The following ANKLE2 variants were observed in gnomAD, a reference collection of about 807,000 sequenced individuals.
The protein encoded by ANKLE2 is ankyrin repeat and LEM domain-containing protein 2.
Under a neutral mutation model 84.2 loss-of-function variants are expected in ANKLE2, and 55 were observed. The observed-to-expected ratio is 0.65, with a 90% CI of 0.53 to 0.82. The LOEUF (loss-of-function observed/expected upper bound fraction) is 0.82, where lower values mean the gene tolerates loss of function less well. ANKLE2 is among the 40% of genes least tolerant of loss of function. The pLI, the probability that ANKLE2 is intolerant of heterozygous loss-of-function variation, is 0.00. For missense variants in ANKLE2, 1,238 were observed against 1,201.9 expected, an observed-to-expected ratio of 1.03 and a Z score of -0.44; for synonymous variants, 551 against 486.1, an observed-to-expected ratio of 1.13 and a Z score of -1.76.
chr12:132,745,350 C>T (rs1377986542), intron 5 of ANKLE2: 1 of 169,008 alleles, frequency 5.9e-6, no homozygotes. Context: ...TACACCAGTG[C>T]TGGCAGCCAA....
At chr12:132,740,781 A>G (rs527846685) in intron 7 of ANKLE2, among the ~76,000 whole-genome samples, 1 of 152,308 alleles carries the variant, frequency 6.6e-6, no homozygotes, top group East Asian at 1.9e-4. Context: ...AACAACTAGA[A>G]GCTGCTGACT....
In ANKLE2 at chr12:132,761,628, G is replaced by C; in HGVS notation, c.171C>G (p.Ala57=). The change falls in exon 1 of 13, where the codon GCC becomes GCG. Residue 57 remains alanine, a synonymous_variant. Coordinates refer to ENST00000357997, the MANE Select transcript of ANKLE2 (RefSeq NM_015114.3). ...TPVPPPSAAA[A]PASGEMTMDA... is the part of the protein sequence containing the mutation. ...CCGCCTGGGCCTTACCTGAGGCGGG[G>C]GCGGCGGCCGCGCTTGGCGGAGGAA... The C allele has an allele frequency of 7.9e-7, 1 of 1,258,232 alleles. No individual in the cohort carries two copies. The highest frequency in any genetic ancestry group is 1.0e-6 in the Non-Finnish European group (1 of 1,001,934). The allele number at this position is 1,258,232 out of a possible 1,614,324, so 77.9% of individuals were successfully genotyped here.
At position 132,750,629 on chromosome 12, in the gene ANKLE2, G is replaced by A. The variant is rs187155077; in HGVS notation, c.847+14C>T. 2.5e-6 allele frequency: 4 copies of A among 1,613,300 alleles called. No individual in the cohort carries two copies. The highest frequency in any genetic ancestry group is 3.3e-5 in the Admixed American group (2 of 60,010). On this transcript the variant is annotated intron_variant, in intron 3 of 12. Coordinates refer to ENST00000357997, the MANE Select transcript of ANKLE2 (RefSeq NM_015114.3). Reference sequence around the variant, plus strand: ...TGACAGGAACATCAAGATGTGAACGGCTGCATGATTTACCTTTCAACCTGT... The same window carrying A: ...TGACAGGAACATCAAGATGTGAACGACTGCATGATTTACCTTTCAACCTGT...
rs10870504 is a variant in ANKLE2, at chr12:132,736,751, G to A, written c.1593+142C>T. 106,817 of 952,516 alleles carry A rather than the reference G, an allele frequency of 0.11. 11,365 individuals carry two copies. The highest frequency in any genetic ancestry group is 0.53 in the East Asian group (21,086 of 39,540). 59.0% of individuals were successfully genotyped at this position (952,516 alleles called of 1,614,324 possible). A position where few individuals can be genotyped will look rare whatever the true frequency, so the allele number is the denominator to read the frequency against. On this transcript the variant is annotated intron_variant, in intron 8 of 12. Transcript: ENST00000357997. Reference sequence around the variant, plus strand: ...AACGTTCTCATCACCAATCACTGGTGGATGGTTTGAGATGAGGACAACCTT... The same window carrying A: ...AACGTTCTCATCACCAATCACTGGTAGATGGTTTGAGATGAGGACAACCTT...
At position 132,761,754 on chromosome 12, in the gene ANKLE2, G is replaced by C. The variant is rs868148843; in HGVS notation, c.45C>G (p.Ala15=). The change falls in exon 1 of 13, where the codon GCC becomes GCG. Residue 15 remains alanine (A), a synonymous_variant. Coordinates refer to ENST00000357997, the MANE Select transcript of ANKLE2 (RefSeq NM_015114.3). ...RLAAAEWAAL[A]WELLGASVLL... is the part of the protein sequence containing the mutation. Reference sequence around the variant, plus strand: ...GCACCGAGGCGCCCAGCAGCTCCCAGGCCAGCGCCGCCCACTCGGCCGCCG... The same window carrying C: ...GCACCGAGGCGCCCAGCAGCTCCCACGCCAGCGCCGCCCACTCGGCCGCCG... 3.4e-5 allele frequency: 41 copies of C among 1,218,188 alleles called. No individual in the cohort carries two copies. Among genetic ancestry groups the C allele is most frequent in the East Asian group, 3.3e-4 (9 of 27,588 alleles). The allele number at this position is 1,218,188 out of a possible 1,614,324, so 75.5% of individuals were successfully genotyped here.
rs2043744837 is a variant in ANKLE2, at chr12:132,728,014, T to G, written c.2615+18A>C. ...AAAAGCTGCCCTGCGGGTGACAGGC[T>G]GTCCGGGCCCCACATACCTCTGTCT... On this transcript the variant is annotated intron_variant, in intron 12 of 12. Transcript: ENST00000357997. 1 of 1,580,176 alleles carries G rather than the reference T, an allele frequency of 6.3e-7. No individual in the cohort carries two copies. Among genetic ancestry groups the G allele is most frequent in the South Asian group, 1.2e-5 (1 of 86,690 alleles).
At chr12:132,741,320 C>A in intron 7 of ANKLE2, 99 bp downstream of exon 7, 1 of 1,226,008 alleles carries the variant, frequency 8.2e-7, no homozygotes, top group South Asian at 1.3e-5. Flanking sequence ...GGCACACGCC[C>A]GGGGAGCTCA....
chr12:132,727,471 C>T (rs2043723656), intron 12 of ANKLE2, 28 bp from the exon 13 acceptor site: 1 of 1,549,102 alleles, frequency 6.5e-7, no homozygotes, highest in South Asian at 1.2e-5. Flanking sequence ...GAACTGTTAG[C>T]AGACGGGCAC....
At chr12:132,733,782 T>C (rs547904244) in intron 10 of ANKLE2, among the ~76,000 whole-genome samples, 7 of 152,178 alleles carry the variant, frequency 4.6e-5, no homozygotes, top group African/African-American at 1.7e-4. Flanking sequence ...AGTATTCTGA[T>C]GTGCACTCGT....
In ANKLE2 at chr12:132,734,127, C is replaced by T. The variant is rs965692597; in HGVS notation, c.1891+258G>A. 17 of 566,546 alleles carry T rather than the reference C, an allele frequency of 3.0e-5. No homozygotes were observed. In the African/African-American group the frequency reaches 3.2e-4, roughly 11 times the overall value. The allele number at this position is 566,546 out of a possible 1,614,324, so 35.1% of individuals were successfully genotyped here. On this transcript the variant is annotated intron_variant, in intron 10 of 12. Transcript: ENST00000357997. ...AGGCGTGGTGGCGGGCGCCTGTAGT[C>T]CCAGCTACTCAGGAGGCTGAGGCAG...
In ANKLE2 at chr12:132,730,036, C is replaced by G; in HGVS notation, c.2126G>C (p.Arg709Thr). The G allele has an allele frequency of 6.2e-7, 1 of 1,612,936 alleles. No homozygotes were observed. Among genetic ancestry groups the G allele is most frequent in the Non-Finnish European group, 8.5e-7 (1 of 1,179,730 alleles). Residue 709 changes from arginine (R) to threonine (T), a missense_variant, in exon 11 of 13, where the codon AGG becomes ACG. Coordinates refer to ENST00000357997, the MANE Select transcript of ANKLE2 (RefSeq NM_015114.3). ...NGLCHPLNHSRTLAGKRPKAP... is the reference protein window; with the variant it reads ...NGLCHPLNHSTTLAGKRPKAP... ...CTTTGGTCTCTTGCCCGCCAGGGTCCTGCTGTGATTCAGAGGATGGCAGAG... is the reference window on the plus strand; with the variant it reads ...CTTTGGTCTCTTGCCCGCCAGGGTCGTGCTGTGATTCAGAGGATGGCAGAG...
intron 1 of ANKLE2, chr12:132,758,159 C>G (rs1384283800): frequency 1.3e-5 from 2 of 152,166 alleles, no homozygotes; most frequent in African/African-American, 4.8e-5. Context: ...CTGGTAATCC[C>G]AGCACTTTGG....
At chr12:132,736,275 T>G (rs2044007097) in intron 8 of ANKLE2, among the ~76,000 whole-genome samples, 1 of 152,220 alleles carries the variant, frequency 6.6e-6, no homozygotes. Context: ...CGCAACTGAT[T>G]TAGAAAGTTT....
chr12:132,749,840 G>A (rs1427398944), intron 3 of ANKLE2, among the ~76,000 whole-genome samples: 1 of 152,208 alleles, frequency 6.6e-6, no homozygotes, highest in Non-Finnish European at 1.5e-5. Context: ...CCTAGTCCTT[G>A]AAGTAGGTAT....
rs1307718874 is a variant in ANKLE2, at chr12:132,725,588, C to T, written c.*1654G>A. 6 of 152,348 alleles carry T rather than the reference C, an allele frequency of 3.9e-5. No homozygotes were observed. Among genetic ancestry groups the T allele is most frequent in the South Asian group, 2.1e-4 (1 of 4,816 alleles). The allele number at this position is 152,348 out of a possible 1,614,324, so 9.4% of individuals were successfully genotyped here. ...AGAATGCCTCCGTTGGGACTGGAAT[C>T]GCTGCCCACAAACAAACGGAGAAAC... On this transcript the variant is annotated 3_prime_UTR_variant, in exon 13 of 13. Coordinates refer to ENST00000357997, the MANE Select transcript of ANKLE2 (RefSeq NM_015114.3).
intron 1 of ANKLE2, chr12:132,761,066 C>G (rs981907729): frequency 6.6e-6 from 1 of 152,012 alleles, no homozygotes; most frequent in African/African-American, 2.4e-5. Flanking sequence ...CTTAAAACGA[C>G]CAAAACCCAC....
intron 5 of ANKLE2, among the ~76,000 whole-genome samples, chr12:132,744,888 G>A (rs970119118): frequency 2.0e-5 from 3 of 152,192 alleles, no homozygotes; most frequent in African/African-American, 7.2e-5. Context: ...CACCGTGTTA[G>A]CCAGGATGGT....
intron 1 of ANKLE2, chr12:132,758,077 G>T (rs530035461): frequency 6.6e-6 from 1 of 152,264 alleles, no homozygotes; most frequent in East Asian, 1.9e-4. Flanking sequence ...AATAGGTGGG[G>T]GCCAGTTTGG....
Position 132,726,391 on chromosome 12 carries a change from C to T in ANKLE2, c.*851G>A, listed in dbSNP as rs1406923750. ...GTTCCAAAATAACGGATACCTTTAT[C>T]GTATAATCATTTATGCTCAACAAAG... On this transcript the variant is annotated 3_prime_UTR_variant, in exon 13 of 13. Coordinates refer to ENST00000357997, the MANE Select transcript of ANKLE2 (RefSeq NM_015114.3). 2 of 152,172 alleles carry T rather than the reference C, an allele frequency of 1.3e-5. No homozygotes were observed. The highest frequency in any genetic ancestry group is 2.9e-5 in the Non-Finnish European group (2 of 68,036). 9.4% of individuals were successfully genotyped at this position (152,172 alleles called of 1,614,324 possible).
Sources: allele counts gnomAD v4.1 joint callset (sites outside exome capture counted in the v4.1 genomes callset), GRCh38; gene constraint gnomAD v4.1.1; transcripts MANE v1.5; gene names NCBI Gene and HGNC (gene_info 2026-07-23, HGNC 2026-07-21).